The following REV1 variants were observed in gnomAD, a reference collection of about 807,000 sequenced individuals.
The protein encoded by REV1 is translesion synthesis protein REV1.
A neutral mutation model predicts 137.4 loss-of-function variants in REV1; 42 were observed. The observed-to-expected ratio is 0.31, with a 90% CI of 0.24 to 0.40. The LOEUF is 0.40. Ranked by LOEUF, REV1 falls within the 10% of genes least tolerant of loss-of-function variation. The pLI, the probability that REV1 is intolerant of heterozygous loss-of-function variation, is 1.00. For synonymous variants in REV1, 524 were observed against 519.2 expected (o/e 1.01, Z -0.12); for missense variants, 1,282 against 1,490.1 (o/e 0.86, Z 2.30).
rs779722392 is a variant in REV1 at position 99,442,379 on chromosome 2, T to C, written c.441A>G (p.Val147=). Reference sequence around the variant, plus strand: ...CTGGCAGAGGATCCTCAGGTCTGCATACAGGATTAAAGCTGAGACCTTTCT... The same window carrying C: ...CTGGCAGAGGATCCTCAGGTCTGCACACAGGATTAAAGCTGAGACCTTTCT... ...SVQKGLSFNP[V]CRPEDPLPGP... The change falls in exon 5 of 23, where the codon GTA becomes GTG. Residue 147 remains valine (V), a synonymous_variant. Transcript: ENST00000258428. 5.0e-6 allele frequency: 8 copies of C among 1,612,114 alleles called. 1 individual carries two copies. The Middle Eastern group carries it at 4.9e-4, about 100-fold the overall frequency.
At chr2:99,435,719 G>T in intron 7 of REV1, 115 bp downstream of exon 7, 1 of 574,830 alleles carries the variant, frequency 1.7e-6, no homozygotes, top group Non-Finnish European at 3.0e-6. Flanking sequence ...AAATTTGGAA[G>T]AACCGATTTT....
At chr2:99,476,048 T>C (rs1685934029) in intron 1 of REV1, among the ~76,000 whole-genome samples, 1 of 152,216 alleles carries the variant, frequency 6.6e-6, no homozygotes, top group Non-Finnish European at 1.5e-5. Flanking sequence ...TAAAAACGCT[T>C]TCAACAAACA....
chr2:99,454,313 G>C (rs566526445), intron 3 of REV1, among the ~76,000 whole-genome samples: 1 of 152,018 alleles, frequency 6.6e-6, no homozygotes, highest in African/African-American at 2.4e-5. Flanking sequence ...ACTTTGGTAG[G>C]CCACAGCGGG....
intron 8 of REV1, among the ~76,000 whole-genome samples, chr2:99,430,941 A>G (rs1575077211): frequency 2.0e-5 from 3 of 152,176 alleles, no homozygotes; most frequent in African/African-American, 7.2e-5. Context: ...AAACAAACCC[A>G]AAATATATCA....
At chr2:99,467,502 C>A (rs533384455) in intron 1 of REV1, among the ~76,000 whole-genome samples, 17 of 152,288 alleles carry the variant, frequency 1.1e-4, no homozygotes, top group Non-Finnish European at 2.2e-4. Flanking sequence ...ATCTGCCACC[C>A]CACCTCTCTT....
intron 3 of REV1, among the ~76,000 whole-genome samples, chr2:99,455,388 C>G (rs890188275): frequency 2.6e-5 from 4 of 152,218 alleles, no homozygotes; most frequent in Non-Finnish European, 5.9e-5. Flanking sequence ...TCTCTTGACT[C>G]TTCTCACCCC....
At chr2:99,421,390 G>A (rs762820662) in intron 11 of REV1, 109 bp downstream of exon 11, 33 of 987,498 alleles carry the variant, frequency 3.3e-5, no homozygotes, top group Non-Finnish European at 4.5e-5. Context: ...TGCTAAAAAC[G>A]GTTTTACAAG....
intron 1 of REV1, among the ~76,000 whole-genome samples, chr2:99,470,370 G>C (rs868555163): frequency 4.8e-4 from 73 of 152,100 alleles, no homozygotes; most frequent in African/African-American, 1.6e-3. Flanking sequence ...TTTGTAAAAA[G>C]CAAAGTAGAG....
intron 1 of REV1, among the ~76,000 whole-genome samples, chr2:99,467,262 T>TA (rs75976155): frequency 1.7e-3 from 244 of 143,338 alleles, no homozygotes; most frequent in Middle Eastern, 0.011. Context: ...AAACAAAAAT[T>TA]AAAAAAAAAA....
At chr2:99,455,019 G>C (rs548094629) in intron 3 of REV1, among the ~76,000 whole-genome samples, 1 of 152,198 alleles carries the variant, frequency 6.6e-6, no homozygotes, top group Non-Finnish European at 1.5e-5. Flanking sequence ...CTTATAGAAA[G>C]TTTTGCTCAT....
Position 99,406,009 on chromosome 2 carries a change from A to G in REV1, c.2712T>C (p.Thr904=). 6.2e-7 allele frequency: 1 copy of G among 1,614,126 alleles called. No individual in the cohort carries two copies. The highest frequency in any genetic ancestry group is 8.5e-7 in the Non-Finnish European group (1 of 1,179,984). ...FPAHLPTSPD[T]NKAESSGKWN... ...ATTTCCCTGAAGACTCAGCCTTGTT[A>G]GTATCAGGACTGGTCGGCAGATGTG... The change falls in exon 17 of 23, where the codon ACT becomes ACC. Residue 904 remains threonine (T), a synonymous_variant. Coordinates refer to ENST00000258428, the MANE Select transcript of REV1 (RefSeq NM_016316.4).
At chr2:99,404,914 C>T (rs1387386075) in intron 17 of REV1, among the ~76,000 whole-genome samples, 2 of 152,012 alleles carry the variant, frequency 1.3e-5, no homozygotes, top group Non-Finnish European at 2.9e-5. Flanking sequence ...TATATACTAC[C>T]AGCCACTATC....
In REV1 at chr2:99,424,260, C is replaced by G; in HGVS notation, c.1568G>C (p.Gly523Ala). 6.2e-7 allele frequency: 1 copy of G among 1,613,698 alleles called. No individual in the cohort carries two copies. The highest frequency in any genetic ancestry group is 1.1e-5 in the South Asian group (1 of 90,958). Residue 523 changes from glycine (G) to alanine (A), a missense_variant, in exon 10 of 23, where the codon GGA (glycine) becomes GCA (alanine). Physicochemically the swap from Gly to Ala is moderately conservative, Grantham distance 60. Around this residue, in one of 7 missense-constraint regions of REV1, gnomAD observed 372 missense variants for 482.3 expected, o/e 0.77. Coordinates refer to ENST00000258428, the MANE Select transcript of REV1 (RefSeq NM_016316.4). ...TTGTTTAGCATGCCCAAAAAACATT[C>G]CGTTCTTAATGCCAAGTTGCCTAGA... ...YEARQLGIKNGMFFGHAKQLC... is the reference protein window; with the variant it reads ...YEARQLGIKNAMFFGHAKQLC...
At chr2:99,437,230 G>A (rs1446550414) in intron 6 of REV1, among the ~76,000 whole-genome samples, 5 of 151,714 alleles carry the variant, frequency 3.3e-5, no homozygotes, top group Non-Finnish European at 5.9e-5. Flanking sequence ...CAATCCTCCC[G>A]CCTCGGCCTC....
chr2:99,486,333 T>A (rs1202963514), intron 1 of REV1, among the ~76,000 whole-genome samples: 1 of 151,980 alleles, frequency 6.6e-6, no homozygotes, highest in East Asian at 1.9e-4. Flanking sequence ...ACCGACACCA[T>A]CCTGGATAAC....
At chr2:99,404,730 GTGTT>G in intron 17 of REV1, 53 bp from the exon 18 acceptor site, 1 of 1,195,970 alleles carries the variant, frequency 8.4e-7, no homozygotes, top group Admixed American at 2.0e-5. Flanking sequence ...CAGAGATGAG[GTGTT>G]TGGGAGTTAA....
chr2:99,477,968 C>T (rs552827888), intron 1 of REV1, among the ~76,000 whole-genome samples: 51 of 152,324 alleles, frequency 3.3e-4, no homozygotes, highest in African/African-American at 1.2e-3. Context: ...CACAGTGGCT[C>T]ACACCTGTAA....
In REV1 at chr2:99,421,604, T is replaced by C. The variant is rs1271456571; in HGVS notation, c.1726A>G (p.Ile576Val). ...TTGGTCTCTGCAAGGATTTCGGTAA[T>C]GTCTACCAGCGCTTCATCACAACTG... The part of the protein sequence containing the change: ...AVSCDEALVD[I>V]TEILAETKLT... Residue 576 changes from isoleucine to valine, a missense_variant, in exon 11 of 23, where the codon ATT (isoleucine) becomes GTT (valine). Ile to Val is a conservative substitution (Grantham distance 29). Transcript: ENST00000258428. 1.2e-6 allele frequency: 2 copies of C among 1,614,162 alleles called. No homozygotes were observed. The highest frequency in any genetic ancestry group is 1.7e-6 in the Non-Finnish European group (2 of 1,180,002).
chr2:99,455,220 T>G (rs1421369453), intron 3 of REV1, among the ~76,000 whole-genome samples: 1 of 152,214 alleles, frequency 6.6e-6, no homozygotes, highest in Non-Finnish European at 1.5e-5. Context: ...ATACCTCCTT[T>G]GCTCCTACCA....
Sources: allele counts gnomAD v4.1 joint callset (sites outside exome capture counted in the v4.1 genomes callset), GRCh38; gene constraint gnomAD v4.1.1; regional missense constraint gnomAD v4.1.1; transcripts MANE v1.5; gene names NCBI Gene and HGNC (gene_info 2026-07-23, HGNC 2026-07-21).